ANO2: variants seen among roughly 807,000 people sequenced by gnomAD.
The protein encoded by ANO2 is anoctamin-2.
A neutral mutation model predicts 124.2 loss-of-function variants in ANO2; 101 were observed. The ratio of observed to expected loss-of-function variants is 0.81; its 90% CI spans 0.69 to 0.96. ANO2 has a LOEUF of 0.96. Among genes scored for constraint, ANO2 ranks in the 40% least tolerant of loss-of-function variants. The pLI is 0.00. For missense variants in ANO2, 1,293 were observed against 1,274.5 expected, an observed-to-expected ratio of 1.01 and a Z score of -0.22; for synonymous variants, 486 against 482.5, an observed-to-expected ratio of 1.01 and a Z score of -0.09.
intron 14 of ANO2, among the ~76,000 whole-genome samples, chr12:5,725,585 T>C (rs1190425774): frequency 1.3e-5 from 2 of 152,124 alleles, no homozygotes; most frequent in Non-Finnish European, 2.9e-5. Flanking sequence ...GATGGGAGCC[T>C]GGGGGGCAGA....
chr12:5,849,954 C>T (rs1319891153), intron 4 of ANO2, among the ~76,000 whole-genome samples: 1 of 152,208 alleles, frequency 6.6e-6, no homozygotes, highest in East Asian at 1.9e-4. Flanking sequence ...ATGCTCCTCT[C>T]TCAACTCAGG....
chr12:5,822,277 C>G (rs7954963), intron 7 of ANO2, among the ~76,000 whole-genome samples: 137,220 of 152,242 alleles, frequency 0.9, 62,346 homozygotes, highest in East Asian at 1. Flanking sequence ...TGGTGACAAA[C>G]AAATCTGGGG....
chr12:5,756,870 G>C (rs1042570877), intron 10 of ANO2, among the ~76,000 whole-genome samples: 3 of 152,262 alleles, frequency 2.0e-5, no homozygotes, highest in Non-Finnish European at 4.4e-5. Flanking sequence ...GGGTGGGTCT[G>C]TCACCAAGTC....
intron 1 of ANO2, among the ~76,000 whole-genome samples, chr12:5,938,133 G>A (rs1942733387): frequency 6.6e-6 from 1 of 152,142 alleles, no homozygotes; most frequent in Non-Finnish European, 1.5e-5. Context: ...AGCCCTCTGG[G>A]CACCTCCTTT....
At chr12:5,716,595 T>C (rs895509167) in intron 14 of ANO2, among the ~76,000 whole-genome samples, 2 of 152,178 alleles carry the variant, frequency 1.3e-5, no homozygotes, top group Admixed American at 1.3e-4. Flanking sequence ...CAGGGCAAAT[T>C]TCCTGCCACA....
chr12:5,689,811 G>A (rs1230126933), intron 14 of ANO2, among the ~76,000 whole-genome samples: 1 of 152,170 alleles, frequency 6.6e-6, no homozygotes, highest in Non-Finnish European at 1.5e-5. Context: ...CCCCAGCCAA[G>A]TGTCTGGCAC....
At chr12:5,854,961 C>A (rs747830286) in intron 3 of ANO2, among the ~76,000 whole-genome samples, 9 of 147,232 alleles carry the variant, frequency 6.1e-5, no homozygotes, top group African/African-American at 2.3e-4. Flanking sequence ...AAAACAAGCA[C>A]GCACAGGGGA....
chr12:5,936,321 C>G (rs1942652488), intron 1 of ANO2, among the ~76,000 whole-genome samples: 1 of 152,158 alleles, frequency 6.6e-6, no homozygotes, highest in Non-Finnish European at 1.5e-5. Flanking sequence ...CTATCGGTGT[C>G]TCTTCCAAAA....
At chr12:5,623,048 G>C (rs983954774) in intron 16 of ANO2, among the ~76,000 whole-genome samples, 3 of 152,054 alleles carry the variant, frequency 2.0e-5, no homozygotes, top group Admixed American at 6.6e-5. Flanking sequence ...GAGGCCAGGT[G>C]GGGTGGGGTG....
chr12:5,616,382 G>A (rs1211332596), intron 16 of ANO2, among the ~76,000 whole-genome samples: 2 of 152,190 alleles, frequency 1.3e-5, no homozygotes, highest in Non-Finnish European at 2.9e-5. Context: ...TCTTTCCCAT[G>A]TATGTGTGCT....
intron 3 of ANO2, among the ~76,000 whole-genome samples, chr12:5,885,116 T>G (rs1022976983): frequency 1.3e-5 from 2 of 152,220 alleles, no homozygotes; most frequent in African/African-American, 4.8e-5. Flanking sequence ...CCTCTCCAAT[T>G]GGCCCTGGCT....
chr12:5,635,355 G>A lies in ANO2; in HGVS notation c.1621-8C>T, dbSNP rs77241305. 5,079 of 1,544,136 alleles carry A rather than the reference G, an allele frequency of 3.3e-3. 133 individuals carry two copies. In the African/African-American group the frequency reaches 0.058, roughly 18 times the overall value. ...TGAGAATGTCAGGGCAATCTGTTTGGGAAAACAGAGAGAAGTACACATCAG... is the reference window on the plus strand; with the variant it reads ...TGAGAATGTCAGGGCAATCTGTTTGAGAAAACAGAGAGAAGTACACATCAG... On this transcript the variant is annotated splice_region_variant and splice_polypyrimidine_tract_variant and intron_variant, in intron 15 of 24. Transcript: ENST00000682330. This position sits in a 1 kb window ranked among gnomAD's most constrained non-coding sequence, Gnocchi z 5.2.
At chr12:5,930,023 C>CCTCACTCGTCTACCTTCTTTG (rs1942285224) in intron 1 of ANO2, among the ~76,000 whole-genome samples, 3 of 101,266 alleles carry the variant, frequency 3.0e-5, no homozygotes, top group Non-Finnish European at 6.7e-5. Flanking sequence ...TACCTTCTTT[C>CCTCACTCGTCTACCTTCTTTG]CTTATTAGTC....
At chr12:5,746,173 T>C (rs1951260892) in intron 11 of ANO2, among the ~76,000 whole-genome samples, 1 of 152,144 alleles carries the variant, frequency 6.6e-6, no homozygotes. Context: ...TTGGAACTAG[T>C]CAATGCTAAA....
chr12:5,799,346 G>A (rs1365088088), intron 10 of ANO2, among the ~76,000 whole-genome samples, 161 bp downstream of exon 10: 2 of 152,190 alleles, frequency 1.3e-5, no homozygotes, highest in Admixed American at 6.5e-5. Flanking sequence ...CATGTCCCCA[G>A]CTGCTTCCCC....
At position 5,658,049 on chromosome 12, in the gene ANO2, C is replaced by A. The variant is rs183052436; in HGVS notation, c.1546-10248G>T. 6.6e-6 allele frequency among the ~76,000 whole-genome samples: 1 copy of A among 151,510 alleles called. No individual in the cohort carries two copies. Among genetic ancestry groups the A allele is most frequent in the Non-Finnish European group, 1.5e-5 (1 of 67,908 alleles). The stretch of plus-strand genomic sequence containing the variant: ...CATTTGAGAAAAAATATTATTTGCT[C>A]ATTTGTCTTTCTCTCCCTCTCCTCA... On this transcript the variant is annotated intron_variant, in intron 14 of 24. Transcript: ENST00000682330. The surrounding 1 kb of genome is among the most constrained non-coding windows in gnomAD (Gnocchi z 4.3).
In ANO2 at chr12:5,810,813, C is replaced by T. The variant is rs571589138; in HGVS notation, c.893-3445G>A. 2.4e-4 allele frequency among the ~76,000 whole-genome samples: 36 copies of T among 152,308 alleles called. 1 individual carries two copies. The South Asian group carries it at 5.2e-3, about 22-fold the overall frequency. ...GGAAAAGACTCATGTTTCCTCCCTG[C>T]CCAGCATGGACCACACATCTGTGCA... is the stretch of plus-strand genomic sequence containing the variant. On this transcript the variant is annotated intron_variant, in intron 7 of 24. Transcript: ENST00000682330.
chr12:5,818,293 C>T (rs1329664070), intron 7 of ANO2, among the ~76,000 whole-genome samples: 1 of 151,778 alleles, frequency 6.6e-6, no homozygotes, highest in East Asian at 1.9e-4. Flanking sequence ...CATGAAAAGA[C>T]TATACTGGCC....
Position 5,925,686 on chromosome 12 carries a change from A to G in ANO2, c.23-2882T>C, listed in dbSNP as rs765798821. ...TCGTACACAGCCCGTGGAACATGTC[A>G]CCCATTTGGAAAGAATCTTTCCTTC... On this transcript the variant is annotated intron_variant, in intron 1 of 24. Coordinates refer to ENST00000682330, the MANE Select transcript of ANO2 (RefSeq NM_001364791.2). The surrounding 1 kb of genome is among the most constrained non-coding windows in gnomAD (Gnocchi z 4.6). 3.3e-5 allele frequency among the ~76,000 whole-genome samples: 5 copies of G among 152,216 alleles called. No individual in the cohort carries two copies. Among genetic ancestry groups the G allele is most frequent in the Admixed American group, 6.5e-5 (1 of 15,292 alleles).
Sources: allele counts gnomAD v4.1 joint callset (sites outside exome capture counted in the v4.1 genomes callset), GRCh38; gene constraint gnomAD v4.1.1; non-coding constraint Gnocchi (gnomAD v3.1); transcripts MANE v1.5; gene names NCBI Gene and HGNC (gene_info 2026-07-23, HGNC 2026-07-21).